Variants in FARS2 observed in about 807,000 individuals in gnomAD.
FARS2 encodes phenylalanyl-tRNA synthetase 2, mitochondrial.
A neutral mutation model predicts 46.4 loss-of-function variants in FARS2; 40 were observed. The ratio of observed to expected loss-of-function variants is 0.86; its 90% CI spans 0.67 to 1.12. The LOEUF (loss-of-function observed/expected upper bound fraction) is 1.12. Ranked by LOEUF, FARS2 falls within the 50% of genes most tolerant of loss-of-function variation. The pLI is 0.00. For missense variants in FARS2, 513 were observed against 567.9 expected (o/e 0.90, Z 0.98); for synonymous variants, 234 against 214.9 (o/e 1.09, Z -0.78).
intron 1 of FARS2, among the ~76,000 whole-genome samples, chr6:5,331,322 G>C (rs1050792054): frequency 3.3e-5 from 5 of 152,076 alleles, no homozygotes; most frequent in African/African-American, 1.2e-4. Flanking sequence ...AGTGCTATGT[G>C]TTTAGATCTT....
intron 6 of FARS2, chr6:5,695,154 G>T (rs1166804770): frequency 1.3e-5 from 2 of 152,220 alleles, no homozygotes; most frequent in Non-Finnish European, 2.9e-5. Context: ...CCCACAAACT[G>T]TGTATCCACG....
intron 6 of FARS2, among the ~76,000 whole-genome samples, chr6:5,680,547 A>G (rs906875525): frequency 1.3e-5 from 2 of 152,242 alleles, no homozygotes; most frequent in Non-Finnish European, 2.9e-5. Flanking sequence ...CGGTCCTGCC[A>G]TCAGCACCAC....
At chr6:5,558,531 A>T (rs1389101429) in intron 5 of FARS2, among the ~76,000 whole-genome samples, 1 of 151,738 alleles carries the variant, frequency 6.6e-6, no homozygotes, top group African/African-American at 2.4e-5. Flanking sequence ...TATTTTATTT[A>T]ATTATTTATT....
At chr6:5,699,969 A>T (rs1454915504) in intron 6 of FARS2, among the ~76,000 whole-genome samples, 1 of 152,140 alleles carries the variant, frequency 6.6e-6, no homozygotes, top group South Asian at 2.1e-4. Context: ...TGGCTCCCAA[A>T]CCTTCCCTGT....
At chr6:5,752,097 C>T (rs1168963765) in intron 6 of FARS2, among the ~76,000 whole-genome samples, 1 of 152,126 alleles carries the variant, frequency 6.6e-6, no homozygotes, top group African/African-American at 2.4e-5. Context: ...TTATACGAAA[C>T]ACTCAAGCTT....
chr6:5,353,028 TG>T (rs1252132255), intron 1 of FARS2, among the ~76,000 whole-genome samples: 1 of 152,216 alleles, frequency 6.6e-6, no homozygotes, highest in East Asian at 1.9e-4. Flanking sequence ...TTCCTGTCTG[TG>T]GCCCTGTACA....
chr6:5,321,372 A>G (rs748354352), intron 1 of FARS2, among the ~76,000 whole-genome samples: 4 of 152,202 alleles, frequency 2.6e-5, no homozygotes, highest in Non-Finnish European at 4.4e-5. Context: ...TTTAAGGTAG[A>G]TCTAGAAGGA....
Position 5,654,999 on chromosome 6 carries a change from A to G in FARS2, c.1217+41679A>G, listed in dbSNP as rs114884380. Among the ~76,000 whole-genome samples the G allele has an allele frequency of 7.6e-3, 1,152 of 152,344 alleles. 11 individuals carry two copies. Among genetic ancestry groups the G allele is most frequent in the African/African-American group, 0.026 (1,101 of 41,584 alleles). ...GCTTACTTGATTGTAGCAGTATAGT[A>G]TATAATACATACGACATACAAAATA... On this transcript the variant is annotated intron_variant, in intron 6 of 6. Transcript: ENST00000274680.
At chr6:5,619,751 G>A (rs768049175) in intron 6 of FARS2, among the ~76,000 whole-genome samples, 2 of 152,160 alleles carry the variant, frequency 1.3e-5, no homozygotes, top group Middle Eastern at 3.4e-3. Context: ...AGTCATGGAC[G>A]TTGACCTGGT....
intron 5 of FARS2, among the ~76,000 whole-genome samples, chr6:5,578,988 G>A (rs1292690244): frequency 6.6e-6 from 1 of 152,164 alleles, no homozygotes; most frequent in African/African-American, 2.4e-5. Flanking sequence ...ATAAGGTTTT[G>A]TGGGGATTAG....
intron 2 of FARS2, among the ~76,000 whole-genome samples, chr6:5,372,660 A>C (rs1759131276): frequency 6.6e-6 from 1 of 152,164 alleles, no homozygotes; most frequent in African/African-American, 2.4e-5. Flanking sequence ...AATAAATTAC[A>C]AATTACTTAT....
intron 6 of FARS2, among the ~76,000 whole-genome samples, chr6:5,719,786 A>T (rs1019431762): frequency 2.6e-5 from 4 of 152,256 alleles, no homozygotes; most frequent in Non-Finnish European, 5.9e-5. Context: ...AGCATCATTC[A>T]GCTCATCTGA....
intron 5 of FARS2, among the ~76,000 whole-genome samples, chr6:5,569,089 G>A (rs534553226): frequency 2.0e-4 from 30 of 152,170 alleles, no homozygotes; most frequent in Middle Eastern, 3.4e-3. Flanking sequence ...TAAAGTGGGT[G>A]TTTAATCACA....
intron 5 of FARS2, chr6:5,609,232 ATCT>A (rs1168887548): frequency 1.7e-6 from 2 of 1,202,432 alleles, no homozygotes; most frequent in African/African-American, 2.9e-5. Context: ...CCTAATTAAA[ATCT>A]TCTGCCACTG....
intron 6 of FARS2, among the ~76,000 whole-genome samples, chr6:5,641,263 A>G (rs147738299): frequency 5.9e-5 from 9 of 151,946 alleles, no homozygotes; most frequent in East Asian, 1.9e-4. Context: ...AAACTGCACT[A>G]TCCGTTTCAC....
intron 3 of FARS2, among the ~76,000 whole-genome samples, chr6:5,416,548 G>C (rs1762250534): frequency 6.6e-6 from 1 of 152,080 alleles, no homozygotes; most frequent in South Asian, 2.1e-4. Context: ...GCTTTATAAT[G>C]CCTTAAAATC....
At chr6:5,473,545 C>CAAA (rs372507372) in intron 4 of FARS2, among the ~76,000 whole-genome samples, 15 of 141,802 alleles carry the variant, frequency 1.1e-4, no homozygotes, top group African/African-American at 1.3e-4. Context: ...AAAAAAAAAA[C>CAAA]AAAAAAAAAA....
chr6:5,569,565 G>A (rs911625700), intron 5 of FARS2, among the ~76,000 whole-genome samples: 9 of 152,166 alleles, frequency 5.9e-5, no homozygotes, highest in African/African-American at 1.9e-4. Context: ...TCATTGTGGT[G>A]GTGGTAGTGG....
intron 1 of FARS2, among the ~76,000 whole-genome samples, chr6:5,341,575 G>A (rs761093040): frequency 7.9e-4 from 120 of 151,642 alleles, no homozygotes; most frequent in Non-Finnish European, 8.2e-4. Flanking sequence ...CTGGAGTGCA[G>A]TGGCGTGATC....
Sources: gnomAD v4.1 joint callset for allele counts (sites outside exome capture counted in the v4.1 genomes callset) on GRCh38, gnomAD v4.1.1 for gene constraint, MANE v1.5 for transcripts, NCBI Gene and HGNC (gene_info 2026-07-23, HGNC 2026-07-21) for gene names.